The following MCC variants were observed in gnomAD, a reference collection of about 807,000 sequenced individuals.
The protein encoded by MCC is MCC regulator of Wnt signaling pathway.
Under a neutral mutation model 116.2 loss-of-function variants are expected in MCC, and 90 were observed. The ratio of observed to expected loss-of-function variants is 0.77; its 90% CI spans 0.65 to 0.92. MCC has a LOEUF of 0.92. Among genes scored for constraint, MCC ranks in the 40% least tolerant of loss-of-function variants. The probability of loss-of-function intolerance (pLI) is 0.00; values close to 1 mark genes in which losing one functional copy is unlikely to be tolerated. For synonymous variants in MCC, 578 were observed against 510.5 expected (o/e 1.13, Z -1.78); for missense variants, 1,516 against 1,312.2 (o/e 1.16, Z -2.40).
chr5:113,405,451 T>C (rs1009233862), intron 1 of MCC, among the ~76,000 whole-genome samples: 1 of 152,168 alleles, frequency 6.6e-6, no homozygotes, highest in Admixed American at 6.5e-5. Flanking sequence ...AAAAAAGGTA[T>C]TAAAATCTGC....
chr5:113,399,984 C>A (rs1769636054), intron 1 of MCC: 1 of 152,118 alleles, frequency 6.6e-6, no homozygotes, highest in Non-Finnish European at 1.5e-5. Context: ...TTCAAGAAGA[C>A]AGCATCTGCA....
At chr5:113,143,780 T>C (rs1331371142) in intron 4 of MCC, among the ~76,000 whole-genome samples, 1 of 152,214 alleles carries the variant, frequency 6.6e-6, no homozygotes, top group Non-Finnish European at 1.5e-5. Flanking sequence ...GAAGAGCATC[T>C]CTCTTAGTTC....
intron 1 of MCC, chr5:113,433,524 G>A: frequency 1.6e-6 from 1 of 633,944 alleles, no homozygotes; most frequent in Non-Finnish European, 2.7e-6. Flanking sequence ...GGAGTCGCAC[G>A]ACTGTCTCAG....
intron 5 of MCC, among the ~76,000 whole-genome samples, chr5:113,140,767 G>C (rs957682526): frequency 1.1e-4 from 16 of 152,094 alleles, no homozygotes; most frequent in Non-Finnish European, 2.1e-4. Flanking sequence ...GTCTACAATG[G>C]TACCACCACT....
intron 3 of MCC, among the ~76,000 whole-genome samples, chr5:113,224,790 A>C (rs1397480177): frequency 6.6e-6 from 1 of 152,236 alleles, no homozygotes; most frequent in Non-Finnish European, 1.5e-5. Context: ...CAACAAGATA[A>C]GTCTAAGTTC....
In MCC at chr5:113,434,065, G is replaced by A. The variant is rs764903788; in HGVS notation, c.171-48853C>T. ...AGGATCTCGTCGATGTGGAGCCGCC[G>A]GTTGACGTCGGGCTGCAGCATGTGG... On this transcript the variant is annotated intron_variant, in intron 1 of 18. Coordinates refer to ENST00000408903, the MANE Select transcript of MCC (RefSeq NM_001085377.2). The surrounding 1 kb of genome is among the most constrained non-coding windows in gnomAD (Gnocchi z 4.2). The A allele has an allele frequency of 1.5e-5, 25 of 1,614,140 alleles. No homozygotes were observed. The East Asian group carries it at 3.1e-4, about 20-fold the overall frequency.
intron 1 of MCC, among the ~76,000 whole-genome samples, chr5:113,397,543 T>C (rs966462270): frequency 1.5e-4 from 23 of 152,314 alleles, no homozygotes; most frequent in Non-Finnish European, 2.6e-4. Flanking sequence ...ATTTTTGAAA[T>C]GTCAAGCCTA....
chr5:113,085,389 G>T, intron 8 of MCC, 79 bp from the exon 9 acceptor site: 1 of 1,420,128 alleles, frequency 7.0e-7, no homozygotes, highest in Non-Finnish European at 9.6e-7. Flanking sequence ...TAGGTGGTGG[G>T]GCTTTCATTT....
intron 6 of MCC, among the ~76,000 whole-genome samples, chr5:113,114,804 C>A (rs892442285): frequency 6.6e-6 from 1 of 152,178 alleles, no homozygotes; most frequent in Non-Finnish European, 1.5e-5. Flanking sequence ...CCTTCTAGCT[C>A]CCCTTCCTGC....
At chr5:113,159,976 C>A (rs766046407) in intron 3 of MCC, among the ~76,000 whole-genome samples, 8 of 152,208 alleles carry the variant, frequency 5.3e-5, no homozygotes, top group Non-Finnish European at 1.2e-4. Context: ...TTTCCTTTTA[C>A]CTGATAATTT....
chr5:113,080,492 T>A (rs1754775604), intron 11 of MCC, among the ~76,000 whole-genome samples: 1 of 152,242 alleles, frequency 6.6e-6, no homozygotes, highest in Non-Finnish European at 1.5e-5. Context: ...GATGAGTTCA[T>A]GTCCTCTGTA....
chr5:113,404,004 T>C (rs1421815001), intron 1 of MCC, among the ~76,000 whole-genome samples: 1 of 152,082 alleles, frequency 6.6e-6, no homozygotes, highest in Non-Finnish European at 1.5e-5. Context: ...GTAGCTGGGA[T>C]TACAGGCACG....
intron 1 of MCC, chr5:113,433,591 T>A (rs1770735545): frequency 2.8e-6 from 3 of 1,083,206 alleles, no homozygotes; most frequent in Non-Finnish European, 3.9e-6. Flanking sequence ...CCATGTGGGT[T>A]ACCAAGTTCA....
chr5:113,058,948 C>A (rs570423500), intron 14 of MCC, among the ~76,000 whole-genome samples: 1 of 152,286 alleles, frequency 6.6e-6, no homozygotes, highest in African/African-American at 2.4e-5. Flanking sequence ...CATCCAGAAT[C>A]CCTCCATCCC....
intron 4 of MCC, among the ~76,000 whole-genome samples, chr5:113,145,000 A>T (rs1029368715): frequency 3.3e-5 from 5 of 152,254 alleles, no homozygotes; most frequent in Non-Finnish European, 7.3e-5. Context: ...TCTTTCCATG[A>T]AGTTAGGCCT....
intron 2 of MCC, among the ~76,000 whole-genome samples, chr5:113,344,564 A>G (rs2150380036): frequency 6.6e-6 from 1 of 151,760 alleles, no homozygotes; most frequent in South Asian, 2.1e-4. Flanking sequence ...AGAAGAGTAA[A>G]GAGGATTTGG....
chr5:113,284,745 T>C (rs1229198562), intron 3 of MCC, among the ~76,000 whole-genome samples: 1 of 152,216 alleles, frequency 6.6e-6, no homozygotes, highest in African/African-American at 2.4e-5. Flanking sequence ...TGCCAGGCAA[T>C]TTTCTGGTCA....
intron 8 of MCC, 112 bp downstream of exon 8, chr5:113,101,627 C>A: frequency 9.1e-7 from 1 of 1,102,190 alleles, no homozygotes; most frequent in East Asian, 2.4e-5. Flanking sequence ...GACAGTGATT[C>A]CCAAAATTAC....
chr5:113,278,998 C>T (rs1009923150), intron 3 of MCC, among the ~76,000 whole-genome samples: 2 of 152,088 alleles, frequency 1.3e-5, no homozygotes, highest in South Asian at 2.1e-4. Context: ...TAAAATTTTT[C>T]TATGTCGTTG....
Sources: gnomAD v4.1 joint callset for allele counts (sites outside exome capture counted in the v4.1 genomes callset) on GRCh38, gnomAD v4.1.1 for gene constraint, Gnocchi (gnomAD v3.1) non-coding constraint, MANE v1.5 for transcripts, NCBI Gene and HGNC (gene_info 2026-07-23, HGNC 2026-07-21) for gene names.